The following TFEC variants were observed in gnomAD, a reference collection of about 807,000 sequenced individuals.
The protein encoded by TFEC is class E basic helix-loop-helix protein 34.
TFEC carries 31 observed loss-of-function variants against 41.6 expected under a neutral mutation model. The observed-to-expected ratio is 0.74, with a 90% CI of 0.56 to 1.01. TFEC has a LOEUF of 1.01. Ranked by LOEUF, TFEC falls within the 50% of genes least tolerant of loss-of-function variation. TFEC has a pLI of 0.00. For synonymous variants in TFEC, 143 were observed against 140.6 expected (o/e 1.02, Z -0.12); for missense variants, 402 against 404.1 (o/e 0.99, Z 0.04).
intron 1 of TFEC, among the ~76,000 whole-genome samples, chr7:116,005,648 C>A (rs1368221697): frequency 1.3e-5 from 2 of 152,094 alleles, no homozygotes; most frequent in African/African-American, 4.8e-5. Context: ...CCTGACAATG[C>A]AATAGAAAAG....
chr7:116,033,324 T>C (rs1795832616), upstream of TFEC, among the ~76,000 whole-genome samples: 2 of 152,104 alleles, frequency 1.3e-5, no homozygotes, highest in South Asian at 4.1e-4. Flanking sequence ...TTTCTAGCTA[T>C]GGCACCTTGG....
At chr7:116,076,850 C>T (rs571387205) in intron 3 of TFEC, among the ~76,000 whole-genome samples, 41 of 152,162 alleles carry the variant, frequency 2.7e-4, no homozygotes, top group African/African-American at 9.4e-4. Context: ...GGTAAACATA[C>T]TTGAGAAAAT....
chr7:115,935,892 T>A lies in TFEC; in HGVS notation c.*4659A>T, dbSNP rs1356111642. 6.6e-6 allele frequency: 1 copy of A among 151,444 alleles called. No homozygotes were observed. The highest frequency in any genetic ancestry group is 2.4e-5 in the African/African-American group (1 of 41,354). 9.4% of individuals were successfully genotyped at this position (151,444 alleles called of 1,614,324 possible). A position where few individuals can be genotyped will look rare whatever the true frequency, so the allele number is the denominator to read the frequency against. ...GATTATGCAGAAATACACATAAAAA[T>A]CCCTTTACAAGCAGATAAAAAGTTC... On this transcript the variant is annotated 3_prime_UTR_variant, in exon 8 of 8. Coordinates refer to ENST00000265440, the MANE Select transcript of TFEC (RefSeq NM_012252.4).
chr7:116,114,646 C>T (rs553482407), intron 1 of TFEC, among the ~76,000 whole-genome samples: 3 of 152,024 alleles, frequency 2.0e-5, no homozygotes, highest in Non-Finnish European at 4.4e-5. Context: ...TAGGTCCCCA[C>T]GGCATGCGAA....
chr7:116,043,728 T>G (rs1289046370), intron 3 of TFEC, among the ~76,000 whole-genome samples: 1 of 152,210 alleles, frequency 6.6e-6, no homozygotes, highest in African/African-American at 2.4e-5. Flanking sequence ...GAACAGAGTG[T>G]GACCACCTGA....
chr7:116,087,966 A>G (rs1031636488), intron 3 of TFEC, among the ~76,000 whole-genome samples: 1 of 152,080 alleles, frequency 6.6e-6, no homozygotes, highest in Non-Finnish European at 1.5e-5. Flanking sequence ...CCATATAACA[A>G]TCTTTCAGAA....
intron 1 of TFEC, among the ~76,000 whole-genome samples, chr7:116,126,424 A>G (rs1798210086): frequency 6.6e-6 from 1 of 152,058 alleles, no homozygotes; most frequent in Admixed American, 6.6e-5. Context: ...GAGTCCCAAA[A>G]AGAAAATAAA....
intron 1 of TFEC, among the ~76,000 whole-genome samples, chr7:116,026,801 A>G (rs1018363336): frequency 6.6e-6 from 1 of 152,230 alleles, no homozygotes; most frequent in Non-Finnish European, 1.5e-5. Context: ...CTTTAACAGT[A>G]GGTGCAATTC....
intron 1 of TFEC, among the ~76,000 whole-genome samples, chr7:116,014,384 T>C (rs188350127): frequency 8.5e-5 from 13 of 152,164 alleles, no homozygotes; most frequent in Admixed American, 2.0e-4. Flanking sequence ...ATAAAAATAC[T>C]AGATAATGTA....
chr7:116,150,698 G>C (rs1798743080), intron 1 of TFEC, among the ~76,000 whole-genome samples: 1 of 151,974 alleles, frequency 6.6e-6, no homozygotes, highest in Non-Finnish European at 1.5e-5. Context: ...AGAGTGTATA[G>C]TTAGGGGAAT....
chr7:116,043,794 G>A (rs1266543996), intron 3 of TFEC, among the ~76,000 whole-genome samples: 1 of 152,116 alleles, frequency 6.6e-6, no homozygotes, highest in African/African-American at 2.4e-5. Flanking sequence ...CATACACTGA[G>A]AAATCCAAAG....
At chr7:116,066,946 A>C (rs1796707563) in intron 3 of TFEC, among the ~76,000 whole-genome samples, 1 of 152,090 alleles carries the variant, frequency 6.6e-6, no homozygotes, top group African/African-American at 2.4e-5. Flanking sequence ...ATTTCAAATG[A>C]AATATTTGGA....
chr7:115,977,443 G>C (rs1214020487), intron 2 of TFEC, among the ~76,000 whole-genome samples: 1 of 151,946 alleles, frequency 6.6e-6, no homozygotes, highest in Non-Finnish European at 1.5e-5. Context: ...AGAAGAAAAT[G>C]GGATAATACT....
chr7:116,042,760 A>T (rs973330316), intron 3 of TFEC, among the ~76,000 whole-genome samples: 6 of 152,188 alleles, frequency 3.9e-5, no homozygotes, highest in African/African-American at 1.2e-4. Flanking sequence ...TATCTAGGTC[A>T]ATATGACTCT....
intron 5 of TFEC, among the ~76,000 whole-genome samples, chr7:115,952,952 A>AATTCCC (rs1224770264): frequency 1.3e-5 from 2 of 151,956 alleles, no homozygotes; most frequent in Admixed American, 1.3e-4. Context: ...TTTCCTCCCT[A>AATTCCC]ATTCCCTGAG....
intron 1 of TFEC, among the ~76,000 whole-genome samples, chr7:116,153,325 G>A (rs1046380550): frequency 3.3e-5 from 5 of 152,014 alleles, no homozygotes; most frequent in African/African-American, 4.8e-5. Flanking sequence ...GCGCAATCTC[G>A]GCTCACTGCA....
At chr7:116,021,729 C>CA (rs2130856774) in intron 1 of TFEC, among the ~76,000 whole-genome samples, 1 of 152,260 alleles carries the variant, frequency 6.6e-6, no homozygotes, top group South Asian at 2.1e-4. Flanking sequence ...GTCAGTGGGC[C>CA]AAAATCTGTC....
chr7:116,159,147 AAAT>A (rs1222002826), intron 1 of TFEC, among the ~76,000 whole-genome samples: 4 of 152,076 alleles, frequency 2.6e-5, no homozygotes, highest in Admixed American at 6.6e-5. Flanking sequence ...ATGATACAAG[AAAT>A]AATAAGTCAC....
intron 1 of TFEC, among the ~76,000 whole-genome samples, chr7:116,149,201 T>C (rs1798708244): frequency 6.6e-6 from 1 of 152,054 alleles, no homozygotes; most frequent in Non-Finnish European, 1.5e-5. Flanking sequence ...AAGTTAGTTA[T>C]TAGAGAAATA....
Sources: allele counts gnomAD v4.1 joint callset (sites outside exome capture counted in the v4.1 genomes callset), GRCh38; gene constraint gnomAD v4.1.1; transcripts MANE v1.5; gene names NCBI Gene and HGNC (gene_info 2026-07-23, HGNC 2026-07-21).